The following CLCN1 variants were observed in gnomAD, a reference collection of about 807,000 sequenced individuals.
The protein encoded by CLCN1 is chloride channel protein 1.
A neutral mutation model predicts 114.5 loss-of-function variants in CLCN1; 100 were observed. The observed-to-expected ratio is 0.87, with a 90% confidence interval of 0.74 to 1.03. The LOEUF (loss-of-function observed/expected upper bound fraction) is 1.03, where lower values mean the gene tolerates loss of function less well. Among genes scored for constraint, CLCN1 ranks in the 50% least tolerant of loss-of-function variants. The pLI, the probability that CLCN1 is intolerant of heterozygous loss-of-function variation, is 0.00. For synonymous variants in CLCN1, 485 were observed against 487.1 expected (o/e 1.00, Z 0.06); for missense variants, 1,188 against 1,250.0 (o/e 0.95, Z 0.75).
chr7:143,339,772 T>C lies in CLCN1; in HGVS notation c.1582+151T>C. On this transcript the variant is annotated intron_variant, in intron 14 of 22. Transcript: ENST00000343257. The surrounding 1 kb of genome is among the most constrained non-coding windows in gnomAD (Gnocchi z 4.1). ...AACTTTTACTCAGATAACATACCCA[T>C]GGCTCTGACTCTCATTATTTCTTAC... 1 of 673,720 alleles carries C rather than the reference T, an allele frequency of 1.5e-6. No homozygotes were observed. The highest frequency in any genetic ancestry group is 2.7e-6 in the Non-Finnish European group (1 of 369,954). The allele number at this position is 673,720 out of a possible 1,614,324, so 41.7% of individuals were successfully genotyped here.
intron 1 of CLCN1, among the ~76,000 whole-genome samples, chr7:143,317,582 T>TC (rs1231639412): frequency 3.3e-5 from 5 of 150,864 alleles, no homozygotes; most frequent in Non-Finnish European, 7.4e-5. Flanking sequence ...TTTCTTTCTT[T>TC]TTTTTTTTTT....
At chr7:143,329,543 C>T (rs1802667225) in intron 7 of CLCN1, among the ~76,000 whole-genome samples, 1 of 152,200 alleles carries the variant, frequency 6.6e-6, no homozygotes, top group Admixed American at 6.5e-5. Flanking sequence ...AGTCGACTGT[C>T]ACCTGTAGAA....
chr7:143,329,757 T>C (rs1443682439), intron 7 of CLCN1, among the ~76,000 whole-genome samples: 2 of 152,214 alleles, frequency 1.3e-5, no homozygotes, highest in South Asian at 2.1e-4. Context: ...GTGGTTGCAT[T>C]TCCCTGGTTC....
Position 143,332,788 on chromosome 7 carries a change from A to G in CLCN1, c.1316A>G (p.Asp439Gly). Residue 439 changes from aspartate to glycine, a missense_variant, in exon 12 of 23, where the codon GAT (aspartate) becomes GGT (glycine). By Grantham distance (94) the Asp-to-Gly change is moderately conservative. Coordinates refer to ENST00000343257, the MANE Select transcript of CLCN1 (RefSeq NM_000083.3). ...AATACATGGGTGAAACACGCGGGTG[A>G]TCCTGAGAGCCTGGGCCAGTCAGCT... ...DNNTWVKHAG[D>G]PESLGQSAVW... 1 of 1,614,106 alleles carries G rather than the reference A, an allele frequency of 6.2e-7. No individual in the cohort carries two copies. Among genetic ancestry groups the G allele is most frequent in the Non-Finnish European group, 8.5e-7 (1 of 1,179,974 alleles).
rs535798091 is a variant in CLCN1, at chr7:143,320,896, T to C, written c.433+101T>C. ...AGCGAATGTTAAGCAGGGTGTGTTATGGGAAGCGAATATTGCGCAGAGAGG... is the reference window on the plus strand; with the variant it reads ...AGCGAATGTTAAGCAGGGTGTGTTACGGGAAGCGAATATTGCGCAGAGAGG... On this transcript the variant is annotated intron_variant, in intron 3 of 22. Transcript: ENST00000343257. 185 of 1,416,994 alleles carry C rather than the reference T, an allele frequency of 1.3e-4. 1 individual carries two copies. The African/African-American group carries it at 2.2e-3, about 17-fold the overall frequency. The allele number at this position is 1,416,994 out of a possible 1,614,324, so 87.8% of individuals were successfully genotyped here. A position where few individuals can be genotyped will look rare whatever the true frequency, so the allele number is the denominator to read the frequency against.
Position 143,339,474 on chromosome 7 carries a change from T to A in CLCN1, c.1472-37T>A. 4 of 1,535,454 alleles carry A rather than the reference T, an allele frequency of 2.6e-6. No individual in the cohort carries two copies. Among genetic ancestry groups the A allele is most frequent in the Non-Finnish European group, 3.6e-6 (4 of 1,108,238 alleles). On this transcript the variant is annotated intron_variant, in intron 13 of 22. Coordinates refer to ENST00000343257, the MANE Select transcript of CLCN1 (RefSeq NM_000083.3). The surrounding 1 kb of genome is among the most constrained non-coding windows in gnomAD (Gnocchi z 4.1). ...GAAAACTGAGAGCAAGGAACTTGGA[T>A]CTCGTAACACCTTCCTTCCTTTTAT...
In CLCN1 at chr7:143,350,650, A is replaced by T; in HGVS notation, c.2591A>T (p.Glu864Val). Residue 864 changes from glutamate (E) to valine (V), a missense_variant, in exon 22 of 23, where the codon GAG becomes GTG. Physicochemically the swap from Glu to Val is moderately radical, Grantham distance 121. Coordinates refer to ENST00000343257, the MANE Select transcript of CLCN1 (RefSeq NM_000083.3). The surrounding 1 kb of genome is among the most constrained non-coding windows in gnomAD (Gnocchi z 5.1). The stretch of plus-strand genomic sequence containing the variant: ...AAGCTCAGGGGCGTCCTGGCCCTGG[A>T]GGAGGTAATCACGATGTGTCCCATT... ...MGKLRGVLALEELQKAIEGHT... is the reference protein window; with the variant it reads ...MGKLRGVLALVELQKAIEGHT... The T allele has an allele frequency of 6.2e-7, 1 of 1,613,330 alleles. No individual in the cohort carries two copies. Among genetic ancestry groups the T allele is most frequent in the Non-Finnish European group, 8.5e-7 (1 of 1,179,344 alleles).
At chr7:143,347,667 G>A (rs574097078) in intron 20 of CLCN1, among the ~76,000 whole-genome samples, 2 of 150,096 alleles carry the variant, frequency 1.3e-5, no homozygotes, top group Non-Finnish European at 3.0e-5. Flanking sequence ...ATCTGCTCCT[G>A]GTGGAGATTA....
At position 143,342,478 on chromosome 7, in the gene CLCN1, A is replaced by G. The variant is rs772430525; in HGVS notation, c.1903A>G (p.Lys635Glu). 2.8e-5 allele frequency: 46 copies of G among 1,614,086 alleles called. No individual in the cohort carries two copies. The highest frequency in any genetic ancestry group is 3.6e-5 in the Non-Finnish European group (43 of 1,180,044). The change falls in exon 16 of 23, where the codon AAG becomes GAG. Residue 635 changes from lysine to glutamate, a missense_variant. Lys to Glu is a moderately conservative substitution (Grantham distance 56). Coordinates refer to ENST00000343257, the MANE Select transcript of CLCN1 (RefSeq NM_000083.3). Reference sequence around the variant, plus strand: ...AACCCTGCTCCAGACCACCACAGTCAAGACTTTACCACTGGTTGACTCAAA... The same window carrying G: ...AACCCTGCTCCAGACCACCACAGTCGAGACTTTACCACTGGTTGACTCAAA... ...LRTLLQTTTV[K>E]TLPLVDSKDS...
chr7:143,345,931 A>G (rs1803230587), intron 17 of CLCN1, among the ~76,000 whole-genome samples, 169 bp downstream of exon 17: 3 of 152,126 alleles, frequency 2.0e-5, no homozygotes, highest in Admixed American at 2.0e-4. Flanking sequence ...TGGATCAGGT[A>G]CCATAGAGAC....
chr7:143,333,397 G>A lies in CLCN1; in HGVS notation c.1401+524G>A, dbSNP rs73172409. Among the ~76,000 whole-genome samples, 1,409 of 152,198 alleles carry A rather than the reference G, an allele frequency of 9.3e-3. 12 individuals are homozygous for A. The highest frequency in any genetic ancestry group is 0.012 in the Non-Finnish European group (825 of 68,006). On this transcript the variant is annotated intron_variant, in intron 12 of 22. Transcript: ENST00000343257. Reference sequence around the variant, plus strand: ...ATTCACGTCAACTTAGTGTTGTCTGGCATAGTTATCTAACCCTTCTAATTG... The same window carrying A: ...ATTCACGTCAACTTAGTGTTGTCTGACATAGTTATCTAACCCTTCTAATTG...
intron 7 of CLCN1, among the ~76,000 whole-genome samples, chr7:143,325,121 A>T (rs952865126): frequency 1.3e-5 from 2 of 152,242 alleles, no homozygotes; most frequent in Non-Finnish European, 2.9e-5. Flanking sequence ...TAACAAATGG[A>T]TGTAGTCGGA....
chr7:143,348,583 T>C (rs1355890553), intron 20 of CLCN1, among the ~76,000 whole-genome samples: 1 of 151,978 alleles, frequency 6.6e-6, no homozygotes, highest in Non-Finnish European at 1.5e-5. Flanking sequence ...GGAGTTGAAA[T>C]TCAGGATGTT....
intron 12 of CLCN1, among the ~76,000 whole-genome samples, chr7:143,338,733 G>A (rs952871952): frequency 1.3e-5 from 2 of 149,698 alleles, no homozygotes; most frequent in African/African-American, 2.5e-5. Flanking sequence ...GTTGCAGTGA[G>A]CCAAGATCAT....
chr7:143,345,373 A>T, intron 16 of CLCN1, 148 bp from the exon 17 acceptor site: 1 of 1,060,592 alleles, frequency 9.4e-7, no homozygotes, highest in Non-Finnish European at 1.3e-6. Context: ...ATCTTGGAGG[A>T]TTCTTAAAAT....
At chr7:143,345,351 T>G (rs1289864650) in intron 16 of CLCN1, among the ~76,000 whole-genome samples, 170 bp from the exon 17 acceptor site, 1 of 152,144 alleles carries the variant, frequency 6.6e-6, no homozygotes, top group Non-Finnish European at 1.5e-5. Context: ...TAAAAGGGAT[T>G]GAGTGAGGTT....
rs1803011827 is a variant in CLCN1 at position 143,339,287 on chromosome 7, T to C, written c.1436T>C (p.Ile479Thr). 1 of 1,613,072 alleles carries C rather than the reference T, an allele frequency of 6.2e-7. No individual in the cohort carries two copies. Among genetic ancestry groups the C allele is most frequent in the South Asian group, 1.1e-5 (1 of 91,086 alleles). The change falls in exon 13 of 23, where the codon ATA becomes ACA. Residue 479 changes from isoleucine (I) to threonine (T), a missense_variant. Transcript: ENST00000343257. The surrounding 1 kb of genome is among the most constrained non-coding windows in gnomAD (Gnocchi z 4.1). Reference sequence around the variant, plus strand: ...TCCATCGTGGCCACCACTATGCCCATACCCTGCGGAGGCTTCATGCCTGTG... The same window carrying C: ...TCCATCGTGGCCACCACTATGCCCACACCCTGCGGAGGCTTCATGCCTGTG... ...WMSIVATTMP[I>T]PCGGFMPVFV...
chr7:143,338,266 A>C (rs1802966872), intron 12 of CLCN1, among the ~76,000 whole-genome samples: 1 of 152,072 alleles, frequency 6.6e-6, no homozygotes, highest in Non-Finnish European at 1.5e-5. Flanking sequence ...ACATTGGCTG[A>C]CTTATCAGGC....
chr7:143,331,973 C>T (rs1272913263), intron 10 of CLCN1, among the ~76,000 whole-genome samples: 1 of 152,178 alleles, frequency 6.6e-6, no homozygotes, highest in African/African-American at 2.4e-5. Context: ...GGATTACAGA[C>T]ATGCACCAAC....
Sources: gnomAD v4.1 joint callset for allele counts (sites outside exome capture counted in the v4.1 genomes callset) on GRCh38, gnomAD v4.1.1 for gene constraint, Gnocchi (gnomAD v3.1) non-coding constraint, MANE v1.5 for transcripts, NCBI Gene and HGNC (gene_info 2026-07-23, HGNC 2026-07-21) for gene names.